Variants in TENM2 observed in about 807,000 individuals in gnomAD.
The protein encoded by TENM2 is teneurin transmembrane protein 2, also known as teneurin-2.
In TENM2, 52 loss-of-function variants were observed where a neutral mutation model predicts 245.2. The ratio of observed to expected loss-of-function variants is 0.21; its 90% confidence interval spans 0.17 to 0.27. The LOEUF is 0.27. Among genes scored for constraint, TENM2 ranks in the 10% least tolerant of loss-of-function variants. The pLI is 1.00. For synonymous variants in TENM2, 1,363 were observed against 1,438.9 expected (o/e 0.95, Z 1.19); for missense variants, 3,046 against 3,666.8 (o/e 0.83, Z 4.37).
the TENM2 span, among the ~76,000 whole-genome samples, chr5:167,065,024 T>G: frequency 6.6e-6 from 1 of 152,176 alleles, no homozygotes. Flanking sequence ...ATTTGCGTTT[T>G]AAAGGGTACA....
intron 27 of TENM2, among the ~76,000 whole-genome samples, chr5:168,259,369 C>T (rs1300405882): frequency 6.6e-6 from 1 of 152,082 alleles, no homozygotes; most frequent in Non-Finnish European, 1.5e-5. Flanking sequence ...GGGCGGATCA[C>T]CTGAGGTCGG....
intron 16 of TENM2, 96 bp from the exon 19 acceptor site, chr5:168,199,768 C>A (rs1761771235): frequency 1.5e-6 from 2 of 1,340,454 alleles, no homozygotes; most frequent in East Asian, 2.3e-5. Context: ...GATGTGATGC[C>A]TCAGTGAGGG....
intron 2 of TENM2, among the ~76,000 whole-genome samples, chr5:167,546,627 C>T (rs1772576424): frequency 6.6e-6 from 1 of 152,072 alleles, no homozygotes; most frequent in Non-Finnish European, 1.5e-5. Context: ...TAGGATTGAT[C>T]GTGAATGGGT....
chr5:167,271,229 G>T, the TENM2 span, among the ~76,000 whole-genome samples: 1 of 152,080 alleles, frequency 6.6e-6, no homozygotes, highest in Admixed American at 6.6e-5. Flanking sequence ...CTGTTTTTCC[G>T]GTTATGGTAA....
chr5:168,074,846 C>G (rs1791327390), intron 7 of TENM2, among the ~76,000 whole-genome samples: 1 of 152,212 alleles, frequency 6.6e-6, no homozygotes, highest in Non-Finnish European at 1.5e-5. Flanking sequence ...ACAAGCGAAT[C>G]TACAACAGAA....
At chr5:167,848,174 A>G (rs1364763582) in intron 2 of TENM2, among the ~76,000 whole-genome samples, 1 of 152,176 alleles carries the variant, frequency 6.6e-6, no homozygotes, top group Admixed American at 6.5e-5. Context: ...ATGGCTGAGT[A>G]GGTCATGAGA....
the TENM2 span, among the ~76,000 whole-genome samples, chr5:167,065,398 T>A: frequency 6.6e-6 from 1 of 152,334 alleles, no homozygotes; most frequent in East Asian, 1.9e-4. Flanking sequence ...CATTTCTGTA[T>A]CCCTTCTTCA....
At chr5:167,189,732 C>G in the TENM2 span, among the ~76,000 whole-genome samples, 1 of 151,946 alleles carries the variant, frequency 6.6e-6, no homozygotes, top group East Asian at 1.9e-4. Flanking sequence ...CTGCACCCAG[C>G]TCTTGAGTAG....
chr5:167,382,684 A>C (rs1420329691), intron 2 of TENM2, among the ~76,000 whole-genome samples: 2 of 152,216 alleles, frequency 1.3e-5, no homozygotes, highest in Non-Finnish European at 2.9e-5. Flanking sequence ...GGGAATAAAA[A>C]AGATAAACAC....
intron 4 of TENM2, among the ~76,000 whole-genome samples, chr5:167,972,107 T>C (rs1781837853): frequency 6.6e-6 from 1 of 152,226 alleles, no homozygotes; most frequent in Non-Finnish European, 1.5e-5. Context: ...TTGCAACAGC[T>C]TTTGTCTTTT....
the TENM2 span, among the ~76,000 whole-genome samples, chr5:167,154,576 A>G: frequency 6.6e-6 from 1 of 152,232 alleles, no homozygotes; most frequent in Non-Finnish European, 1.5e-5. Flanking sequence ...AGGACAGATG[A>G]CATGATGTTT....
At chr5:167,258,269 A>G in the TENM2 span, among the ~76,000 whole-genome samples, 1 of 148,750 alleles carries the variant, frequency 6.7e-6, no homozygotes, top group Non-Finnish European at 1.5e-5. Flanking sequence ...TGCAGTGTCC[A>G]TATCAGATAG....
At chr5:167,117,823 C>G in the TENM2 span, among the ~76,000 whole-genome samples, 1 of 150,998 alleles carries the variant, frequency 6.6e-6, no homozygotes, top group Non-Finnish European at 1.5e-5. Flanking sequence ...TCATCCCCTC[C>G]CCCTCCCCCA....
chr5:167,993,488 G>T (rs1009625654), intron 5 of TENM2, among the ~76,000 whole-genome samples: 3 of 152,218 alleles, frequency 2.0e-5, no homozygotes, highest in African/African-American at 7.2e-5. Context: ...CACTCTCAGA[G>T]TGGCCTTCTA....
intron 2 of TENM2, among the ~76,000 whole-genome samples, chr5:167,524,574 T>C (rs1225673039): frequency 6.6e-6 from 1 of 152,096 alleles, no homozygotes; most frequent in Non-Finnish European, 1.5e-5. Flanking sequence ...ATTCCTTAGA[T>C]CTGGATGAAG....
chr5:167,776,160 T>TA (rs1380700448), intron 2 of TENM2, among the ~76,000 whole-genome samples: 30 of 2,756 alleles, frequency 0.011, no homozygotes, highest in Admixed American at 0.017. Flanking sequence ...GAAAAAAAAA[T>TA]CCACACACAC....
chr5:167,332,851 A>G (rs4868792), intron 1 of TENM2, among the ~76,000 whole-genome samples: 70,990 of 152,046 alleles, frequency 0.47, 17,840 homozygotes, highest in Non-Finnish European at 0.57. Context: ...ATAATATTCT[A>G]TAGAGACACA....
chr5:168,209,446 G>A (rs1210262866), intron 19 of TENM2, among the ~76,000 whole-genome samples: 1 of 152,158 alleles, frequency 6.6e-6, no homozygotes, highest in East Asian at 1.9e-4. Context: ...TTCAAGAATG[G>A]CTAGCAACCA....
At chr5:167,194,517 T>C in the TENM2 span, among the ~76,000 whole-genome samples, 2 of 151,966 alleles carry the variant, frequency 1.3e-5, no homozygotes, top group African/African-American at 4.8e-5. Context: ...AGTTACAGAA[T>C]TGTACATTTG....
Sources: gnomAD v4.1 joint callset for allele counts (sites outside exome capture counted in the v4.1 genomes callset) on GRCh38, gnomAD v4.1.1 for gene constraint, MANE v1.5 for transcripts, NCBI Gene and HGNC (gene_info 2026-07-23, HGNC 2026-07-21) for gene names.